CYB5R3: variants seen among roughly 807,000 people sequenced by gnomAD.
CYB5R3 encodes the protein NADH-cytochrome b5 reductase 3.
In CYB5R3, 28 loss-of-function variants were observed where a neutral mutation model predicts 36.5. That is an observed-to-expected ratio of 0.77 (90% CI 0.57 to 1.05). CYB5R3 has a LOEUF of 1.05. Ranked by LOEUF, CYB5R3 falls within the 50% of genes least tolerant of loss-of-function variation. CYB5R3 has a pLI of 0.00. For synonymous variants in CYB5R3, 181 were observed against 159.8 expected (o/e 1.13, Z -1.00); for missense variants, 474 against 408.9 (o/e 1.16, Z -1.37).
At chr22:42,627,863 C>T (rs779955329) in intron 5 of CYB5R3, among the ~76,000 whole-genome samples, 175 bp from the exon 6 acceptor site, 18 of 152,128 alleles carry the variant, frequency 1.2e-4, no homozygotes, top group Non-Finnish European at 1.5e-4. Context: ...GCTGGGAACC[C>T]GGAGGCTCAG....
intron 1 of CYB5R3, among the ~76,000 whole-genome samples, chr22:42,644,170 T>C (rs915797471): frequency 7.9e-5 from 12 of 152,206 alleles, no homozygotes; most frequent in African/African-American, 2.4e-4. Flanking sequence ...AGTGCTGCTC[T>C]TCCTGAGCCA....
At chr22:42,649,230 C>A in intron 1 of CYB5R3, 65 bp downstream of exon 1, 1 of 743,748 alleles carries the variant, frequency 1.3e-6, no homozygotes. Flanking sequence ...GCCAGCCCGC[C>A]CCCTCGCCGC....
At chr22:42,633,360 G>A (rs1253654389) in intron 2 of CYB5R3, 1 of 152,332 alleles carries the variant, frequency 6.6e-6, no homozygotes, top group Non-Finnish European at 1.5e-5. Context: ...GGGTCTGGCA[G>A]GCTCACGCTG....
In CYB5R3 at chr22:42,619,427, C is replaced by T. The variant is rs954031193; in HGVS notation, c.*346G>A. On this transcript the variant is annotated 3_prime_UTR_variant, in exon 9 of 9. Coordinates refer to ENST00000352397, the MANE Select transcript of CYB5R3 (RefSeq NM_000398.7). ...CTGCTGACATCCCGACTATGGTCCA[C>T]GGCCGGGAATGGTGGGCAGACGGGG... 6.3e-5 allele frequency: 19 copies of T among 300,038 alleles called. No homozygotes were observed. The highest frequency in any genetic ancestry group is 1.1e-4 in the Non-Finnish European group (17 of 155,960). The allele number at this position is 300,038 out of a possible 1,614,324, so 18.6% of individuals were successfully genotyped here.
chr22:42,646,676 A>T lies in CYB5R3; in HGVS notation c.21+2619T>A, dbSNP rs8190387. ...CCTGCCCGCCAGCGGTCCTGCCAGAATCTGAGCGGCACCTCCCTCCTGGTC... is the reference window on the plus strand; with the variant it reads ...CCTGCCCGCCAGCGGTCCTGCCAGATTCTGAGCGGCACCTCCCTCCTGGTC... On this transcript the variant is annotated intron_variant, in intron 1 of 8. Coordinates refer to ENST00000352397, the MANE Select transcript of CYB5R3 (RefSeq NM_000398.7). The T allele has an allele frequency of 5.3e-3, 5,222 of 985,588 alleles. 212 individuals carry two copies. In the African/African-American group the frequency reaches 0.085, roughly 16 times the overall value. The allele number at this position is 985,588 out of a possible 1,614,324, so 61.1% of individuals were successfully genotyped here.
At chr22:42,649,220 G>T in intron 1 of CYB5R3, 75 bp downstream of exon 1, 1 of 683,158 alleles carries the variant, frequency 1.5e-6, no homozygotes, top group Non-Finnish European at 1.9e-6. Context: ...CCTCCCGCAG[G>T]CCAGCCCGCC....
chr22:42,646,893 C>A, intron 1 of CYB5R3: 3 of 985,534 alleles, frequency 3.0e-6, no homozygotes, highest in African/African-American at 1.7e-5. Context: ...TACCTGTCAG[C>A]CTGTCAGGGT....
At chr22:42,631,189 A>T in intron 3 of CYB5R3, 189 bp downstream of exon 3, 1 of 740,314 alleles carries the variant, frequency 1.4e-6, no homozygotes, top group East Asian at 2.7e-5. Context: ...TGCTGGTGCC[A>T]CTGCCAGGGA....
intron 7 of CYB5R3, 124 bp downstream of exon 7, chr22:42,627,180 C>T: frequency 5.9e-6 from 5 of 845,264 alleles, no homozygotes; most frequent in Non-Finnish European, 9.8e-6. Flanking sequence ...ATTCAGGGCC[C>T]CCCATCCCGG....
chr22:42,642,393 A>C (rs1929325349), intron 1 of CYB5R3, among the ~76,000 whole-genome samples: 1 of 152,142 alleles, frequency 6.6e-6, no homozygotes, highest in Non-Finnish European at 1.5e-5. Flanking sequence ...GATTGCAGGT[A>C]TAAGCCCCTG....
rs922385354 is a variant in CYB5R3, at chr22:42,648,467, G to A, written c.21+828C>T. On this transcript the variant is annotated intron_variant, in intron 1 of 8. Transcript: ENST00000352397. ...AAACTGGGGAGAGGAGGTGGCCTGGGGGGAAGGGAAGGTGGCTCTAGGCCA... is the reference window on the plus strand; with the variant it reads ...AAACTGGGGAGAGGAGGTGGCCTGGAGGGAAGGGAAGGTGGCTCTAGGCCA... Among the ~76,000 whole-genome samples the A allele has an allele frequency of 4.6e-5, 7 of 152,232 alleles. No individual in the cohort carries two copies. In the South Asian group the frequency reaches 6.2e-4, roughly 13 times the overall value.
intron 4 of CYB5R3, among the ~76,000 whole-genome samples, chr22:42,630,089 C>A (rs143480523): frequency 3.9e-4 from 60 of 152,304 alleles, no homozygotes; most frequent in Non-Finnish European, 5.4e-4. Context: ...AGCCACTGTG[C>A]CTGGCTGAAA....
chr22:42,644,719 G>A (rs1344125315), intron 1 of CYB5R3: 4 of 927,366 alleles, frequency 4.3e-6, no homozygotes, highest in Non-Finnish European at 3.9e-6. Flanking sequence ...GTTGGCCGAA[G>A]TTACATTCAC....
chr22:42,622,230 G>A (rs576014367), intron 8 of CYB5R3, among the ~76,000 whole-genome samples: 260 of 152,170 alleles, frequency 1.7e-3, no homozygotes, highest in Middle Eastern at 3.4e-3. Flanking sequence ...TGCTCCTTTC[G>A]TTAGTAGAAG....
chr22:42,645,087 C>T (rs954657323), intron 1 of CYB5R3, among the ~76,000 whole-genome samples: 26 of 152,138 alleles, frequency 1.7e-4, no homozygotes, highest in Admixed American at 1.0e-3. Flanking sequence ...CCTGGGTGGG[C>T]GCTGGGCCAA....
At chr22:42,634,556 C>G (rs1928783438) in intron 2 of CYB5R3, among the ~76,000 whole-genome samples, 1 of 151,990 alleles carries the variant, frequency 6.6e-6, no homozygotes, top group African/African-American at 2.4e-5. Flanking sequence ...AAGCGATTCT[C>G]CTGCCTCAGC....
intron 3 of CYB5R3, 195 bp from the exon 4 acceptor site, chr22:42,631,183 G>A (rs1447364408): frequency 1.3e-6 from 1 of 746,438 alleles, no homozygotes; most frequent in East Asian, 2.7e-5. Context: ...CACTCCTGCT[G>A]GTGCCACTGC....
chr22:42,640,609 C>T (rs1387322135), intron 1 of CYB5R3: 1 of 155,800 alleles, frequency 6.4e-6, no homozygotes, highest in Non-Finnish European at 1.4e-5. Flanking sequence ...GAACTCCTGA[C>T]CTCATGATCC....
At chr22:42,646,755 G>A (rs1415235336) in intron 1 of CYB5R3, 2 of 986,232 alleles carry the variant, frequency 2.0e-6, no homozygotes, top group South Asian at 4.7e-5. Flanking sequence ...GCAGTGGGGG[G>A]CTCTGGCTTG....
Sources: gnomAD v4.1 joint callset for allele counts (sites outside exome capture counted in the v4.1 genomes callset) on GRCh38, gnomAD v4.1.1 for gene constraint, MANE v1.5 for transcripts, NCBI Gene and HGNC (gene_info 2026-07-23, HGNC 2026-07-21) for gene names.